The following PCSK2 variants were observed in gnomAD, a reference collection of about 807,000 sequenced individuals.
PCSK2 encodes the protein proprotein convertase subtilisin/kexin type 2.
Under a neutral mutation model 69.7 loss-of-function variants are expected in PCSK2, and 14 were observed. The ratio of observed to expected loss-of-function variants is 0.20; its 90% CI spans 0.13 to 0.31. The LOEUF is 0.31. PCSK2 is among the 10% of genes least tolerant of loss of function. The probability of loss-of-function intolerance (pLI) is 1.00; values close to 1 mark genes in which losing one functional copy is unlikely to be tolerated. For missense variants in PCSK2, 544 were observed against 842.5 expected (o/e 0.65, Z 4.39); for synonymous variants, 307 against 320.7 (o/e 0.96, Z 0.46).
At chr20:17,460,572 T>C (rs959020808) in intron 10 of PCSK2, among the ~76,000 whole-genome samples, 3 of 152,246 alleles carry the variant, frequency 2.0e-5, no homozygotes, top group Non-Finnish European at 4.4e-5. Context: ...ATCTCTATTG[T>C]CTTATCAACA....
At chr20:17,383,022 C>T (rs879685811) in intron 5 of PCSK2, among the ~76,000 whole-genome samples, 7 of 152,136 alleles carry the variant, frequency 4.6e-5, no homozygotes, top group Non-Finnish European at 8.8e-5. Context: ...TGTGTTCCCC[C>T]ATTAGAATGT....
At chr20:17,316,729 A>G (rs1407631876) in intron 2 of PCSK2, among the ~76,000 whole-genome samples, 1 of 152,170 alleles carries the variant, frequency 6.6e-6, no homozygotes, top group Non-Finnish European at 1.5e-5. Flanking sequence ...CACCAGCCCC[A>G]TGTTTCTGAT....
At chr20:17,470,523 A>C (rs1265189432) in intron 11 of PCSK2, among the ~76,000 whole-genome samples, 4 of 152,178 alleles carry the variant, frequency 2.6e-5, no homozygotes, top group Non-Finnish European at 5.9e-5. Context: ...TTATAGCCTC[A>C]TGCCTTCCCC....
At chr20:17,334,371 A>C (rs1990289659) in intron 2 of PCSK2, among the ~76,000 whole-genome samples, 1 of 152,200 alleles carries the variant, frequency 6.6e-6, no homozygotes, top group African/African-American at 2.4e-5. Context: ...TGAGCATGGT[A>C]CAATGAGAAT....
intron 2 of PCSK2, among the ~76,000 whole-genome samples, chr20:17,330,453 G>A (rs1990180246): frequency 6.6e-6 from 1 of 151,924 alleles, no homozygotes; most frequent in African/African-American, 2.4e-5. Flanking sequence ...AATTAGTTGG[G>A]CATGGTGGCG....
At position 17,358,313 on chromosome 20, in the gene PCSK2, C is replaced by T. The variant is rs1371689663; in HGVS notation, c.283-14C>T. 4.2e-6 allele frequency: 6 copies of T among 1,428,418 alleles called. No individual in the cohort carries two copies. In the South Asian group the frequency reaches 5.7e-5, roughly 14 times the overall value. 88.5% of individuals were successfully genotyped at this position (1,428,418 alleles called of 1,614,324 possible). On this transcript the variant is annotated splice_polypyrimidine_tract_variant and intron_variant, in intron 2 of 11. Transcript: ENST00000262545. ...AGATTATATTCAGGTAATATGTCAG[C>T]ATTGTCATTCCAGGTAAAGATGGCT...
intron 11 of PCSK2, among the ~76,000 whole-genome samples, chr20:17,475,130 A>G (rs538530832): frequency 6.6e-6 from 1 of 151,704 alleles, no homozygotes; most frequent in African/African-American, 2.4e-5. Context: ...GGAACCAGGT[A>G]TGTGCATGTG....
rs1200634691 is a variant in PCSK2 at position 17,348,717 on chromosome 20, G to A, written c.283-9610G>A. On this transcript the variant is annotated intron_variant, in intron 2 of 11. Transcript: ENST00000262545. ...TTCCAGGCTCTTTCCTTGGCCTGTA[G>A]ATGGCCGTCTTTTCCCTGTGTCCTC... Among the ~76,000 whole-genome samples, 5 of 152,212 alleles carry A rather than the reference G, an allele frequency of 3.3e-5. No individual in the cohort carries two copies. The East Asian group carries it at 7.7e-4, about 23-fold the overall frequency.
At chr20:17,325,071 A>C (rs569769207) in intron 2 of PCSK2, among the ~76,000 whole-genome samples, 1 of 152,158 alleles carries the variant, frequency 6.6e-6, no homozygotes, top group African/African-American at 2.4e-5. Context: ...TCCTGAGACC[A>C]CAAACATGTC....
intron 8 of PCSK2, among the ~76,000 whole-genome samples, chr20:17,441,100 C>G (rs1298887342): frequency 6.6e-6 from 1 of 152,180 alleles, no homozygotes; most frequent in Non-Finnish European, 1.5e-5. Context: ...CTTCCCCTTC[C>G]TTGAGGCTTA....
intron 6 of PCSK2, among the ~76,000 whole-genome samples, chr20:17,427,902 C>CA (rs1568645040): frequency 6.6e-6 from 1 of 152,156 alleles, no homozygotes; most frequent in Non-Finnish European, 1.5e-5. Context: ...AGCAGAAAAG[C>CA]CACATGGTCT....
chr20:17,244,401 A>G (rs949547556), intron 1 of PCSK2, among the ~76,000 whole-genome samples: 2 of 152,198 alleles, frequency 1.3e-5, no homozygotes, highest in African/African-American at 4.8e-5. Context: ...CTCTGCCACT[A>G]TAGAGCAGTG....
chr20:17,453,783 G>C lies in PCSK2; in HGVS notation c.927G>C (p.Gly309=). 1 of 1,613,956 alleles carries C rather than the reference G, an allele frequency of 6.2e-7. No homozygotes were observed. The highest frequency in any genetic ancestry group is 1.1e-5 in the South Asian group (1 of 91,090). Residue 309 remains glycine (G), a synonymous_variant, in exon 9 of 12, where the codon GGG becomes GGC. Coordinates refer to ENST00000262545, the MANE Select transcript of PCSK2 (RefSeq NM_002594.5). This position sits in a 1 kb window ranked among gnomAD's most constrained non-coding sequence, Gnocchi z 4.0. ...GKGSIYVWAS[G]DGGSYDDCNC... The stretch of plus-strand genomic sequence containing the variant: ...GCAGCATCTACGTGTGGGCCTCCGG[G>C]GACGGCGGCAGCTATGACGACTGCA...
chr20:17,337,330 A>T (rs1182603494), intron 2 of PCSK2, among the ~76,000 whole-genome samples: 3 of 152,198 alleles, frequency 2.0e-5, no homozygotes, highest in African/African-American at 4.8e-5. Context: ...TCAACAGAAT[A>T]TGACGAAAAC....
intron 2 of PCSK2, among the ~76,000 whole-genome samples, chr20:17,268,112 T>A (rs1029468154): frequency 2.7e-5 from 4 of 149,408 alleles, no homozygotes; most frequent in African/African-American, 9.8e-5. Context: ...ATTATATGTG[T>A]ATGCTTATTA....
chr20:17,385,002 G>T (rs939421948), intron 5 of PCSK2, among the ~76,000 whole-genome samples: 2 of 152,164 alleles, frequency 1.3e-5, no homozygotes, highest in African/African-American at 4.8e-5. Flanking sequence ...TGTACCTAAC[G>T]TAAGGGTTGG....
chr20:17,284,214 T>G (rs1342895942), intron 2 of PCSK2, among the ~76,000 whole-genome samples: 1 of 152,124 alleles, frequency 6.6e-6, no homozygotes, highest in Non-Finnish European at 1.5e-5. Flanking sequence ...GAGATGGAGG[T>G]TTATGGAGCT....
intron 10 of PCSK2, chr20:17,464,385 G>GCACA (rs1555797600): frequency 5.0e-4 from 76 of 151,894 alleles, no homozygotes; most frequent in African/African-American, 1.8e-3. Flanking sequence ...TTTATTCACT[G>GCACA]AACAATGTGC....
intron 10 of PCSK2, among the ~76,000 whole-genome samples, chr20:17,459,885 C>G (rs190492094): frequency 6.6e-6 from 1 of 152,174 alleles, no homozygotes; most frequent in Non-Finnish European, 1.5e-5. Flanking sequence ...ATCTATGACT[C>G]TGGGTGCAGA....
Sources: allele counts gnomAD v4.1 joint callset (sites outside exome capture counted in the v4.1 genomes callset), GRCh38; gene constraint gnomAD v4.1.1; non-coding constraint Gnocchi (gnomAD v3.1); transcripts MANE v1.5; gene names NCBI Gene and HGNC (gene_info 2026-07-23, HGNC 2026-07-21).